POLRMT: variants seen among roughly 807,000 people sequenced by gnomAD.
POLRMT encodes DNA-directed RNA polymerase, mitochondrial.
Under a neutral mutation model 132.2 loss-of-function variants are expected in POLRMT, and 114 were observed. The ratio of observed to expected loss-of-function variants is 0.86; its 90% CI spans 0.74 to 1.01. The LOEUF (loss-of-function observed/expected upper bound fraction) is 1.01, where lower values mean the gene tolerates loss of function less well. Ranked by LOEUF, POLRMT falls within the 50% of genes least tolerant of loss-of-function variation. The probability of loss-of-function intolerance (pLI) is 0.00; values close to 1 mark genes in which losing one functional copy is unlikely to be tolerated. For synonymous variants in POLRMT, 1,020 were observed against 773.4 expected, an observed-to-expected ratio of 1.32 and a Z score of -5.29; for missense variants, 2,003 against 1,729.1, an observed-to-expected ratio of 1.16 and a Z score of -2.81.
chr19:617,554 T>C lies in POLRMT; in HGVS notation c.3581+16A>G. 6.2e-7 allele frequency: 1 copy of C among 1,610,838 alleles called. No individual in the cohort carries two copies. Among genetic ancestry groups the C allele is most frequent in the Non-Finnish European group, 8.5e-7 (1 of 1,179,748 alleles). On this transcript the variant is annotated intron_variant, in intron 19 of 20. Coordinates refer to ENST00000588649, the MANE Select transcript of POLRMT (RefSeq NM_005035.4). ...GGGGGGGGAATCCAGGTAGTTGGGG[T>C]CAGGGAGCGCCTTACTCAGAGCAGA...
chr19:621,457 C>T lies in POLRMT; in HGVS notation c.2241G>A (p.Pro747=), dbSNP rs767119012. Residue 747 remains proline, a synonymous_variant, in exon 10 of 21, where the codon CCG becomes CCA. Transcript: ENST00000588649. The part of the protein sequence containing the change: ...EAPQPPEAHL[P]HSAAPARKAE... ...CCTTGCGGGCGGGCGCGGCGCTGTG[C>T]GGCAGGTGGGCCTCGGGCGGCTGGG... The T allele has an allele frequency of 1.0e-5, 14 of 1,382,994 alleles. No homozygotes were observed. The South Asian group carries it at 1.3e-4, about 12-fold the overall frequency. The allele number at this position is 1,382,994 out of a possible 1,614,324, so 85.7% of individuals were successfully genotyped here.
At chr19:623,261 T>C (rs527280325) in intron 6 of POLRMT, among the ~76,000 whole-genome samples, 193 bp downstream of exon 6, 1 of 152,134 alleles carries the variant, frequency 6.6e-6, no homozygotes, top group South Asian at 2.1e-4. Context: ...CCAGGCTGAG[T>C]TCCTAGGCCC....
At position 625,165 on chromosome 19, in the gene POLRMT, C is replaced by T. The variant is rs780179519; in HGVS notation, c.912G>A (p.Gln304=). 14 of 1,613,816 alleles carry T rather than the reference C, an allele frequency of 8.7e-6. No individual in the cohort carries two copies. The highest frequency in any genetic ancestry group is 1.0e-5 in the Non-Finnish European group (12 of 1,179,976). ...PDLLSYAAAL[Q]CMGRQDQDAG... ...CGTCCTGGTCCTGCCTCCCCATGCA[C>T]TGGAGGGCAGCCGCATAGGACAGCA... is the stretch of plus-strand genomic sequence containing the variant. Residue 304 remains glutamine, a synonymous_variant, in exon 4 of 21, where the codon CAG becomes CAA. Coordinates refer to ENST00000588649, the MANE Select transcript of POLRMT (RefSeq NM_005035.4).
intron 3 of POLRMT, among the ~76,000 whole-genome samples, 188 bp downstream of exon 3, chr19:629,352 A>C (rs536491883): frequency 6.6e-6 from 1 of 152,292 alleles, no homozygotes; most frequent in Non-Finnish European, 1.5e-5. Context: ...ATTTCTCCCT[A>C]CTTTTTTGGT....
At chr19:629,488 G>C in intron 3 of POLRMT, 52 bp downstream of exon 3, 2 of 1,455,608 alleles carry the variant, frequency 1.4e-6, no homozygotes, top group African/African-American at 1.4e-5. Flanking sequence ...ATGAGGGCAA[G>C]TTCCTGTCTC....
At chr19:623,416 C>G (rs925616955) in intron 6 of POLRMT, 38 bp downstream of exon 6, 2 of 1,571,182 alleles carry the variant, frequency 1.3e-6, no homozygotes, top group African/African-American at 2.8e-5. Flanking sequence ...CCCGGCTCAG[C>G]CCCTGCGGCG....
chr19:618,205 G>A (rs1384766456), intron 17 of POLRMT: 7 of 547,890 alleles, frequency 1.3e-5, no homozygotes, highest in South Asian at 4.6e-5. Context: ...CGACCTCCAC[G>A]TGCTCCAGAT....
At chr19:622,485 C>G (rs1180372748) in intron 8 of POLRMT, 97 bp downstream of exon 8, 1 of 1,476,994 alleles carries the variant, frequency 6.8e-7, no homozygotes, top group South Asian at 1.4e-5. Flanking sequence ...TACAGATGAA[C>G]AGACTGAAGC....
chr19:619,814 A>T (rs780427879), intron 12 of POLRMT, 49 bp from the exon 13 acceptor site: 1 of 1,550,150 alleles, frequency 6.5e-7, no homozygotes, highest in Non-Finnish European at 8.7e-7. Flanking sequence ...CTAGCAGCCC[A>T]GGGGCCACCA....
intron 2 of POLRMT, 69 bp downstream of exon 2, chr19:632,765 C>T (rs1985516777): frequency 7.4e-7 from 1 of 1,350,050 alleles, no homozygotes; most frequent in Non-Finnish European, 1.0e-6. Context: ...GAATCTGAGC[C>T]TTTGCCTTTT....
intron 5 of POLRMT, among the ~76,000 whole-genome samples, chr19:624,128 G>A (rs748659203): frequency 1.1e-4 from 16 of 152,188 alleles, no homozygotes; most frequent in Non-Finnish European, 2.2e-4. Flanking sequence ...GGCCATCCAC[G>A]CACCGGAGCA....
intron 5 of POLRMT, 25 bp from the exon 6 acceptor site, chr19:623,628 TG>T: frequency 6.2e-7 from 1 of 1,608,498 alleles, no homozygotes; most frequent in Non-Finnish European, 8.5e-7. Context: ...GTAGTGAGGT[TG>T]GGGGCTTGCC....
rs1465374746 is a variant in POLRMT at position 622,925 on chromosome 19, C to G, written c.1351G>C (p.Glu451Gln). 1 of 1,612,726 alleles carries G rather than the reference C, an allele frequency of 6.2e-7. No individual in the cohort carries two copies. Among genetic ancestry groups the G allele is most frequent in the African/African-American group, 1.3e-5 (1 of 74,934 alleles). ...TCGCGCTCTAGGCGGTTCTTGGTCT[C>G]CCGCAGCGCCCGGCACAGTGCTTTC... ...WEKALCRALR[E>Q]TKNRLEREVY... The change falls in exon 7 of 21, where the codon GAG becomes CAG. Residue 451 changes from glutamate (E) to glutamine (Q), a missense_variant. Physicochemically the swap from Glu to Gln is conservative, Grantham distance 29. Transcript: ENST00000588649.
At position 617,233 on chromosome 19, in the gene POLRMT, C is replaced by A; in HGVS notation, c.*41G>T. On this transcript the variant is annotated 3_prime_UTR_variant, in exon 21 of 21. Transcript: ENST00000588649. ...TGAAGACAGTGGCTCCTGGGGGTGG[C>A]AAAAGAGCTTTATTTACACACTGAC... 6.2e-7 allele frequency: 1 copy of A among 1,609,200 alleles called. No homozygotes were observed. Among genetic ancestry groups the A allele is most frequent in the Non-Finnish European group, 8.5e-7 (1 of 1,177,680 alleles).
rs574232475 is a variant in POLRMT at position 622,212 on chromosome 19, C to A, written c.1788G>T (p.Pro596=). 3.6e-5 allele frequency: 56 copies of A among 1,571,070 alleles called. No individual in the cohort carries two copies. The highest frequency in any genetic ancestry group is 4.3e-5 in the Non-Finnish European group (50 of 1,161,188). The stretch of plus-strand genomic sequence containing the variant: ...CGGGGACAAGCCGAGAGGAACGATG[C>A]GGCTTGTCCAGGCTGCATGGCATCT... ...ATQMPCSLDK[P]HRSSRLVPVL... is the part of the protein sequence containing the mutation. Residue 596 remains proline, a synonymous_variant, in exon 9 of 21, where the codon CCG becomes CCT. Transcript: ENST00000588649.
In POLRMT at chr19:629,930, C is replaced by T; in HGVS notation, c.432G>A (p.Leu144=). 3.1e-6 allele frequency: 5 copies of T among 1,613,698 alleles called. No individual in the cohort carries two copies. Among genetic ancestry groups the T allele is most frequent in the Non-Finnish European group, 4.2e-6 (5 of 1,180,018 alleles). Residue 144 remains leucine (L), a synonymous_variant, in exon 3 of 21, where the codon CTG becomes CTA. Transcript: ENST00000588649. ...QMRMQRLKAK[L]QMPFQSGEFK... is the part of the protein sequence containing the mutation. ...ACTCCCCGCTCTGGAATGGCATCTG[C>T]AGCTTCGCCTTCAACCGCTGCATAC...
At chr19:628,338 C>G (rs192790914) in intron 3 of POLRMT, among the ~76,000 whole-genome samples, 7 of 152,344 alleles carry the variant, frequency 4.6e-5, no homozygotes, top group African/African-American at 1.7e-4. Context: ...GGAAAATACA[C>G]GACCCTCATC....
chr19:623,697 TCTC>T, intron 5 of POLRMT, 94 bp from the exon 6 acceptor site: 1 of 1,447,714 alleles, frequency 6.9e-7, no homozygotes, highest in Non-Finnish European at 9.4e-7. Context: ...CGTTTCTGCG[TCTC>T]CTGCAAGTTG....
rs1301025052 is a variant in POLRMT, at chr19:622,619, T to C, written c.1589A>G (p.Tyr530Cys). ...SGQVQALQNH[Y>C]RKYLCLLASD... is the part of the protein sequence containing the mutation. Reference sequence around the variant, plus strand: ...GGCCAGCAAGCAGAGGTACTTCCTGTAGTGGTTCTGCAGCGCCTGCACCTG... The same window carrying C: ...GGCCAGCAAGCAGAGGTACTTCCTGCAGTGGTTCTGCAGCGCCTGCACCTG... The change falls in exon 8 of 21, where the codon TAC (tyrosine) becomes TGC (cysteine). Residue 530 changes from tyrosine (Y) to cysteine (C), a missense_variant. Tyr to Cys is a radical substitution (Grantham distance 194). Coordinates refer to ENST00000588649, the MANE Select transcript of POLRMT (RefSeq NM_005035.4). 1.2e-6 allele frequency: 2 copies of C among 1,607,688 alleles called. No homozygotes were observed. Among genetic ancestry groups the C allele is most frequent in the Admixed American group, 1.7e-5 (1 of 59,712 alleles).
Sources: allele counts gnomAD v4.1 joint callset (sites outside exome capture counted in the v4.1 genomes callset), GRCh38; gene constraint gnomAD v4.1.1; transcripts MANE v1.5; gene names NCBI Gene and HGNC (gene_info 2026-07-23, HGNC 2026-07-21).